The following TMX3 variants were observed in gnomAD, a reference collection of about 807,000 sequenced individuals.
The protein encoded by TMX3 is protein disulfide-isomerase TMX3.
Under a neutral mutation model 64.4 loss-of-function variants are expected in TMX3, and 40 were observed. The ratio of observed to expected loss-of-function variants is 0.62; its 90% CI spans 0.48 to 0.81. TMX3 has a LOEUF of 0.81. TMX3 is among the 30% of genes least tolerant of loss of function. TMX3 has a pLI of 0.00. For synonymous variants in TMX3, 189 were observed against 175.7 expected, an observed-to-expected ratio of 1.08 and a Z score of -0.60; for missense variants, 497 against 534.5, an observed-to-expected ratio of 0.93 and a Z score of 0.69.
At chr18:68,703,590 C>T (rs1242581203) in intron 4 of TMX3, among the ~76,000 whole-genome samples, 1 of 152,134 alleles carries the variant, frequency 6.6e-6, no homozygotes, top group African/African-American at 2.4e-5. Context: ...CATTAACCTT[C>T]GCTTCTGACA....
chr18:68,700,279 G>A (rs1342022161), intron 6 of TMX3, 126 bp downstream of exon 6: 2 of 584,318 alleles, frequency 3.4e-6, no homozygotes, highest in Admixed American at 3.4e-5. Context: ...TCTCTCATAA[G>A]TAAATAATCA....
At chr18:68,701,644 A>G in intron 5 of TMX3, 101 bp downstream of exon 5, 2 of 1,565,276 alleles carry the variant, frequency 1.3e-6, no homozygotes, top group Non-Finnish European at 1.7e-6. Context: ...CCAAACCCCA[A>G]TCTTCAATCC....
intron 13 of TMX3, 105 bp from the exon 14 acceptor site, chr18:68,681,215 AC>A: frequency 9.9e-7 from 1 of 1,011,574 alleles, no homozygotes; most frequent in Non-Finnish European, 1.3e-6. Flanking sequence ...GCTATTTAAC[AC>A]ATTTGTGCAT....
intron 4 of TMX3, among the ~76,000 whole-genome samples, chr18:68,705,928 A>G (rs1011802093): frequency 3.3e-5 from 5 of 152,234 alleles, no homozygotes; most frequent in African/African-American, 1.2e-4. Flanking sequence ...TGATTGAGAA[A>G]TGAGTTATTA....
At chr18:68,687,875 CATAA>C in intron 9 of TMX3, 110 bp from the exon 10 acceptor site, 1 of 685,680 alleles carries the variant, frequency 1.5e-6, no homozygotes, top group African/African-American at 1.9e-5. Flanking sequence ...ATCATACTTC[CATAA>C]ATATTGTTTT....
In TMX3 at chr18:68,710,585, C is replaced by G. The variant is rs1327577628; in HGVS notation, c.142-441G>C. Among the ~76,000 whole-genome samples, 8 of 152,198 alleles carry G rather than the reference C, an allele frequency of 5.3e-5. 1 individual carries two copies. In the East Asian group the frequency reaches 1.4e-3, roughly 26 times the overall value. On this transcript the variant is annotated intron_variant, in intron 3 of 15. Coordinates refer to ENST00000299608, the MANE Select transcript of TMX3 (RefSeq NM_019022.5). The stretch of plus-strand genomic sequence containing the variant: ...TGACTTTGCTGAGTTCTATTGTAAC[C>G]ACTGGCAAGAAGGGGAGGTCATTAA...
At chr18:68,685,592 C>G (rs1290959562) in intron 10 of TMX3, among the ~76,000 whole-genome samples, 1 of 152,180 alleles carries the variant, frequency 6.6e-6, no homozygotes, top group African/African-American at 2.4e-5. Context: ...AACACAGACA[C>G]AGTTTCTCAC....
In TMX3 at chr18:68,700,306, G is replaced by A. The variant is rs185700231; in HGVS notation, c.392+99C>T. ...AAATAATCAAATAAATTTTACCTAG[G>A]TATGTCCTTAAAATATGTTTGTTCA... On this transcript the variant is annotated intron_variant, in intron 6 of 15. Transcript: ENST00000299608. 32 of 761,574 alleles carry A rather than the reference G, an allele frequency of 4.2e-5. No individual in the cohort carries two copies. The East Asian group carries it at 9.5e-4, about 23-fold the overall frequency. The allele number at this position is 761,574 out of a possible 1,614,324, so 47.2% of individuals were successfully genotyped here.
intron 11 of TMX3, 91 bp from the exon 12 acceptor site, chr18:68,684,334 C>G: frequency 6.7e-7 from 1 of 1,496,738 alleles, no homozygotes; most frequent in Non-Finnish European, 9.3e-7. Flanking sequence ...CATCTAATTG[C>G]TGCAGGAAAA....
intron 4 of TMX3, among the ~76,000 whole-genome samples, chr18:68,708,047 A>ATATGTG (rs1555690906): frequency 1.6e-5 from 2 of 125,646 alleles, no homozygotes; most frequent in African/African-American, 1.0e-4. Flanking sequence ...ATATATGTGT[A>ATATGTG]TATATATGTG....
intron 6 of TMX3, among the ~76,000 whole-genome samples, chr18:68,698,877 C>CCGGGTGTGGTAG (rs1555688715): frequency 5.4e-4 from 17 of 31,596 alleles, no homozygotes; most frequent in Non-Finnish European, 2.6e-3. Context: ...AAAAAATTAG[C>CCGGGTGTGGTAG]CGGGCGTGGT....
intron 8 of TMX3, among the ~76,000 whole-genome samples, chr18:68,692,238 C>A (rs549053416): frequency 3.6e-4 from 55 of 152,314 alleles, no homozygotes; most frequent in Middle Eastern, 3.4e-3. Flanking sequence ...CTCATCCACA[C>A]AGATGCTTGG....
intron 6 of TMX3, 44 bp from the exon 7 acceptor site, chr18:68,698,075 A>C (rs1915288561): frequency 7.7e-7 from 1 of 1,296,776 alleles, no homozygotes; most frequent in African/African-American, 1.5e-5. Context: ...TTATAAACTA[A>C]AGTACATAAT....
rs1912994638 is a variant in TMX3 at position 68,677,071 on chromosome 18, T to C, written c.1227A>G (p.Arg409=). The C allele has an allele frequency of 6.2e-7, 1 of 1,613,730 alleles. No individual in the cohort carries two copies. The highest frequency in any genetic ancestry group is 1.1e-5 in the South Asian group (1 of 91,082). ...CATTTTCACTTTTAGACACTTCATA[T>C]CGTTCTTCTATATAACCTCCATCTG... ...ADTDGGYIEE[R]YEVSKSENEN... is the part of the protein sequence containing the mutation. Residue 409 remains arginine (R), a synonymous_variant, in exon 16 of 16, where the codon CGA becomes CGG. Coordinates refer to ENST00000299608, the MANE Select transcript of TMX3 (RefSeq NM_019022.5).
rs1368449651 is a variant in TMX3 at position 68,714,978 on chromosome 18, C to T, written c.4G>A (p.Ala2Thr). 6.4e-7 allele frequency: 1 copy of T among 1,573,158 alleles called. No individual in the cohort carries two copies. Among genetic ancestry groups the T allele is most frequent in the Non-Finnish European group, 8.6e-7 (1 of 1,159,960 alleles). Residue 2 changes from alanine to threonine, a missense_variant, in exon 1 of 16, where the codon GCA (alanine) becomes ACA (threonine). Transcript: ENST00000299608. ...AGGGCCGTCCAACTCTTCCACGCTG[C>T]CATGCTAGCCCGGGAGAGCTGCAGA... M[A>T]AWKSWTALRL...
intron 7 of TMX3, chr18:68,697,583 G>C: frequency 3.0e-6 from 1 of 333,764 alleles, no homozygotes; most frequent in Non-Finnish European, 5.4e-6. Flanking sequence ...TAGACAAAAT[G>C]ATGGTGATGA....
At chr18:68,711,767 T>C (rs1424395654) in intron 2 of TMX3, among the ~76,000 whole-genome samples, 1 of 152,200 alleles carries the variant, frequency 6.6e-6, no homozygotes, top group African/African-American at 2.4e-5. Flanking sequence ...TTTCTAAGAA[T>C]GGTCCTTGGT....
rs1400460441 is a variant in TMX3, at chr18:68,681,126, C to T, written c.906-16G>A. 13 of 1,535,882 alleles carry T rather than the reference C, an allele frequency of 8.5e-6. No homozygotes were observed. The East Asian group carries it at 3.1e-4, about 37-fold the overall frequency. On this transcript the variant is annotated splice_polypyrimidine_tract_variant and intron_variant, in intron 13 of 15. Coordinates refer to ENST00000299608, the MANE Select transcript of TMX3 (RefSeq NM_019022.5). ...TGTCAATTCACTGAAAATATAAAAA[C>T]AAATCAAAATATACATTAAACACAG...
chr18:68,677,934 G>C (rs924187072), intron 15 of TMX3, among the ~76,000 whole-genome samples: 3 of 152,096 alleles, frequency 2.0e-5, no homozygotes, highest in Non-Finnish European at 4.4e-5. Context: ...CAGGCAATTT[G>C]CACTAGCAAA....
Sources: allele counts gnomAD v4.1 joint callset (sites outside exome capture counted in the v4.1 genomes callset), GRCh38; gene constraint gnomAD v4.1.1; transcripts MANE v1.5; gene names NCBI Gene and HGNC (gene_info 2026-07-23, HGNC 2026-07-21).